RNF213: variants seen among roughly 807,000 people sequenced by gnomAD.
The protein encoded by RNF213 is ring finger protein 213.
Under a neutral mutation model 514.4 loss-of-function variants are expected in RNF213, and 341 were observed. That is an observed-to-expected ratio of 0.66 (90% CI 0.61 to 0.73). The LOEUF (loss-of-function observed/expected upper bound fraction) is 0.73. RNF213 is among the 30% of genes least tolerant of loss of function. The pLI is 0.00. For missense variants in RNF213, 5,767 were observed against 6,615.6 expected (o/e 0.87, Z 4.45); for synonymous variants, 2,655 against 2,658.2 (o/e 1.00, Z 0.04).
chr17:80,360,031 CTCT>C (rs2078997316), intron 37 of RNF213, 27 bp from the exon 38 acceptor site: 1 of 1,612,924 alleles, frequency 6.2e-7, no homozygotes, highest in East Asian at 2.2e-5. Flanking sequence ...CTCACAAACC[CTCT>C]TCTTATCATC....
chr17:80,271,124 TAGGTTGGTGGG>T (rs2043807529), intron 2 of RNF213, among the ~76,000 whole-genome samples: 3 of 85,754 alleles, frequency 3.5e-5, no homozygotes, highest in African/African-American at 1.6e-4. Flanking sequence ...GGTGGGAGGG[TAGGTTGGTGGG>T]AGGGGCAGGC....
chr17:80,389,964 C>T (rs1470901099), intron 66 of RNF213, 47 bp downstream of exon 66: 1 of 1,613,418 alleles, frequency 6.2e-7, no homozygotes, highest in African/African-American at 1.3e-5. Context: ...ACTGCGCTCC[C>T]TTCTCCCTGC....
intron 10 of RNF213, among the ~76,000 whole-genome samples, chr17:80,296,645 A>G (rs1007872565): frequency 6.6e-6 from 1 of 152,146 alleles, no homozygotes; most frequent in Non-Finnish European, 1.5e-5. Context: ...CCTGACCAGC[A>G]TGTCTTATCA....
chr17:80,344,602 C>T lies in RNF213; in HGVS notation c.6343-76C>T, dbSNP rs180824947. The stretch of plus-strand genomic sequence containing the variant: ...ATAAAGGTCCATCCAATATAGATAA[C>T]GTGGAGGGTTAAGACACAAAAGCAT... On this transcript the variant is annotated intron_variant, in intron 28 of 67. Coordinates refer to ENST00000582970, the MANE Select transcript of RNF213 (RefSeq NM_001256071.3). The T allele has an allele frequency of 8.8e-4, 1,321 of 1,504,036 alleles. 1 individual carries two copies. Among genetic ancestry groups the T allele is most frequent in the Non-Finnish European group, 1.1e-3 (1,146 of 1,081,490 alleles). 93.2% of individuals were successfully genotyped at this position (1,504,036 alleles called of 1,614,324 possible).
Position 80,380,816 on chromosome 17 carries a change from T to C in RNF213, c.13641-15T>C. 1 of 1,614,238 alleles carries C rather than the reference T, an allele frequency of 6.2e-7. No individual in the cohort carries two copies. Among genetic ancestry groups the C allele is most frequent in the Non-Finnish European group, 8.5e-7 (1 of 1,180,040 alleles). ...CAGCCTCAGCCTCTGTCTTGTGTTCTCTCGTTCTTTCCAGAGACAAGGCAG... is the reference window on the plus strand; with the variant it reads ...CAGCCTCAGCCTCTGTCTTGTGTTCCCTCGTTCTTTCCAGAGACAAGGCAG... On this transcript the variant is annotated splice_polypyrimidine_tract_variant and intron_variant, in intron 55 of 67. Coordinates refer to ENST00000582970, the MANE Select transcript of RNF213 (RefSeq NM_001256071.3).
chr17:80,359,548 AAAAAGAG>A (rs2078967979), intron 37 of RNF213, among the ~76,000 whole-genome samples: 2 of 149,240 alleles, frequency 1.3e-5, no homozygotes, highest in Admixed American at 1.3e-4. Context: ...AAAAAAAAAA[AAAAAGAG>A]TGAGAGAGGG....
At chr17:80,354,237 C>T in intron 35 of RNF213, 71 bp downstream of exon 35, 1 of 1,567,506 alleles carries the variant, frequency 6.4e-7, no homozygotes, top group South Asian at 1.1e-5. Flanking sequence ...CATCATTTCA[C>T]TGTGTGTTGG....
At chr17:80,360,616 G>A (rs923800273) in intron 38 of RNF213, among the ~76,000 whole-genome samples, 1 of 152,086 alleles carries the variant, frequency 6.6e-6, no homozygotes, top group Admixed American at 6.5e-5. Flanking sequence ...CAGAAGGCAC[G>A]AGCGCCTGGA....
chr17:80,311,380 G>T (rs1023216828), intron 14 of RNF213, among the ~76,000 whole-genome samples: 2 of 152,176 alleles, frequency 1.3e-5, no homozygotes, highest in African/African-American at 2.4e-5. Context: ...CATTCAGTTT[G>T]TTGTTATTGG....
chr17:80,380,248 C>T (rs1185867935), intron 55 of RNF213, among the ~76,000 whole-genome samples: 1 of 152,184 alleles, frequency 6.6e-6, no homozygotes, highest in African/African-American at 2.4e-5. Flanking sequence ...TCTAAATGCT[C>T]CTTTCAGAGA....
In RNF213 at chr17:80,344,829, A is replaced by G. The variant is rs2078257634; in HGVS notation, c.6494A>G (p.Gln2165Arg). Residue 2165 changes from glutamine (Q) to arginine (R), a missense_variant, in exon 29 of 68, where the codon CAA (glutamine) becomes CGA (arginine). Transcript: ENST00000582970. ...DLWEFCSETF[Q>R]RPYQYLRRFN... Reference sequence around the variant, plus strand: ...TGGGAGTTCTGCAGCGAAACTTTCCAAAGACCTTACCAGTATTTAAGACGA... The same window carrying G: ...TGGGAGTTCTGCAGCGAAACTTTCCGAAGACCTTACCAGTATTTAAGACGA... 6.2e-7 allele frequency: 1 copy of G among 1,614,160 alleles called. No individual in the cohort carries two copies. Among genetic ancestry groups the G allele is most frequent in the Non-Finnish European group, 8.5e-7 (1 of 1,180,028 alleles).
Position 80,374,474 on chromosome 17 carries a change from A to G in RNF213, c.12959A>G (p.His4320Arg). 6.2e-7 allele frequency: 1 copy of G among 1,614,184 alleles called. No individual in the cohort carries two copies. The highest frequency in any genetic ancestry group is 2.2e-5 in the East Asian group (1 of 44,882). Residue 4320 changes from histidine to arginine, a missense_variant, in exon 50 of 68, where the codon CAC (histidine) becomes CGC (arginine). Around this residue, in one of 13 missense-constraint regions of RNF213, gnomAD observed 1,245 missense variants for 1,339.0 expected, o/e 0.93. Coordinates refer to ENST00000582970, the MANE Select transcript of RNF213 (RefSeq NM_001256071.3). The stretch of plus-strand genomic sequence containing the variant: ...GTATTCCAGGGGCTGCGGCAGGACC[A>G]CCCAGGCCAGATGGATAGGTACCTG... Reference protein sequence around the residue: ...VVKQQGLRQDHPGQMDRYLVY... With the variant: ...VVKQQGLRQDRPGQMDRYLVY...
rs200865029 is a variant in RNF213, at chr17:80,369,834, G to A, written c.12392G>A (p.Arg4131His). ...GTTGTGGATAAGACTCCTGTCATCC[G>A]CTCAGTGATACTGAAACTGCTTTTG... ...NDVVDKTPVI[R>H]SVILKLLLKY... The change falls in exon 46 of 68, where the codon CGC becomes CAC. Residue 4131 changes from arginine (R) to histidine (H), a missense_variant. Arg to His is a conservative substitution (Grantham distance 29, BLOSUM62 0). Transcript: ENST00000582970. 196 of 1,612,590 alleles carry A rather than the reference G, an allele frequency of 1.2e-4. 1 individual carries two copies. Among genetic ancestry groups the A allele is most frequent in the Non-Finnish European group, 2.9e-5 (34 of 1,178,858 alleles).
rs919762918 is a variant in RNF213 at position 80,273,398 on chromosome 17, C to T, written c.255C>T (p.Val85=). The part of the protein sequence containing the change: ...EEPCSKASWT[V]QESKKKKRKK... Reference sequence around the variant, plus strand: ...CCTGTTCCAAAGCCTCCTGGACCGTCCAAGAAGTGAGTGCACTGCCTCGGC... The same window carrying T: ...CCTGTTCCAAAGCCTCCTGGACCGTTCAAGAAGTGAGTGCACTGCCTCGGC... Residue 85 remains valine (V), a synonymous_variant, in exon 3 of 68, where the codon GTC becomes GTT. Coordinates refer to ENST00000582970, the MANE Select transcript of RNF213 (RefSeq NM_001256071.3). 1 of 1,612,666 alleles carries T rather than the reference C, an allele frequency of 6.2e-7. No individual in the cohort carries two copies. Among genetic ancestry groups the T allele is most frequent in the Admixed American group, 1.7e-5 (1 of 60,006 alleles).
In RNF213 at chr17:80,396,095, C is replaced by G. The variant is rs1236320238; in HGVS notation, c.*2597C>G. The G allele has an allele frequency of 6.6e-6, 1 of 152,160 alleles. No individual in the cohort carries two copies. The highest frequency in any genetic ancestry group is 1.5e-5 in the Non-Finnish European group (1 of 68,042). 9.4% of individuals were successfully genotyped at this position (152,160 alleles called of 1,614,324 possible). On this transcript the variant is annotated 3_prime_UTR_variant, in exon 68 of 68. Transcript: ENST00000582970. ...AAATCTTCACAACTGATCATTATCTCCTTCTCTTTGAGACCTGACTGAAAA... is the reference window on the plus strand; with the variant it reads ...AAATCTTCACAACTGATCATTATCTGCTTCTCTTTGAGACCTGACTGAAAA...
intron 36 of RNF213, 33 bp from the exon 37 acceptor site, chr17:80,358,255 C>G (rs756616634): frequency 6.2e-7 from 1 of 1,605,296 alleles, no homozygotes; most frequent in Non-Finnish European, 8.5e-7. Context: ...GTTCCTCTGA[C>G]CCGTGGTGGC....
rs890910478 is a variant in RNF213, at chr17:80,367,963, T to G, written c.11975T>G (p.Phe3992Cys). Residue 3992 changes from phenylalanine to cysteine, a missense_variant and splice_region_variant, in exon 44 of 68, where the codon TTT becomes TGT. By Grantham distance (205) the Phe-to-Cys change is radical (BLOSUM62 -2). This residue lies in a region of RNF213 where 355 missense variants were observed against 358.0 expected (regional missense o/e 0.99). Transcript: ENST00000582970. ...KETASKTLSR[F>C]GIQPCSICLG... Reference sequence around the variant, plus strand: ...TGATTGCCCTTCTTGGATTCTAGGTTTGGGATTCAGCCGTGCTCCATCTGC... The same window carrying G: ...TGATTGCCCTTCTTGGATTCTAGGTGTGGGATTCAGCCGTGCTCCATCTGC... The G allele has an allele frequency of 6.2e-7, 1 of 1,614,256 alleles. No individual in the cohort carries two copies. The highest frequency in any genetic ancestry group is 8.5e-7 in the Non-Finnish European group (1 of 1,180,046).
chr17:80,326,390 C>T (rs561503095), intron 18 of RNF213, among the ~76,000 whole-genome samples: 34 of 152,306 alleles, frequency 2.2e-4, no homozygotes, highest in Non-Finnish European at 1.5e-4. Flanking sequence ...CACCATCACA[C>T]GGGCAGTACC....
chr17:80,313,066 C>T lies in RNF213; in HGVS notation c.2710C>T (p.Gln904Ter). Residue 904 changes from glutamine (Q) to a stop codon, truncating the protein, a stop_gained, in exon 15 of 68, where the codon CAA becomes TAA. Transcript: ENST00000582970. LOFTEE classifies it high-confidence loss of function. ...TGNNSVQTVF[Q>*]GTLAATKRWL... ...AAATAATTCAGTCCAAACAGTCTTC[C>T]AAGGGACCCTTGCTGCTACGAAAAG... 6.2e-7 allele frequency: 1 copy of T among 1,614,056 alleles called. No homozygotes were observed. The highest frequency in any genetic ancestry group is 8.5e-7 in the Non-Finnish European group (1 of 1,180,042).
Sources: allele counts gnomAD v4.1 joint callset (sites outside exome capture counted in the v4.1 genomes callset), GRCh38; gene constraint gnomAD v4.1.1; regional missense constraint gnomAD v4.1.1; transcripts MANE v1.5; gene names NCBI Gene and HGNC (gene_info 2026-07-23, HGNC 2026-07-21).